WDR19: variants seen among roughly 807,000 people sequenced by gnomAD.
WDR19 encodes the protein WD repeat domain 19.
In WDR19, 121 loss-of-function variants were observed where a neutral mutation model predicts 180.0. The ratio of observed to expected loss-of-function variants is 0.67; its 90% confidence interval spans 0.58 to 0.78. The LOEUF is 0.78. Ranked by LOEUF, WDR19 falls within the 30% of genes least tolerant of loss-of-function variation. The probability of loss-of-function intolerance (pLI) is 0.00; values close to 1 mark genes in which losing one functional copy is unlikely to be tolerated. For synonymous variants in WDR19, 497 were observed against 540.7 expected, an observed-to-expected ratio of 0.92 and a Z score of 1.12; for missense variants, 1,450 against 1,640.7, an observed-to-expected ratio of 0.88 and a Z score of 2.01.
rs192335112 is a variant in WDR19, at chr4:39,277,407, A to G, written c.3840+264A>G. Among the ~76,000 whole-genome samples, 1,503 of 152,290 alleles carry G rather than the reference A, an allele frequency of 9.9e-3. 15 individuals are homozygous for G. The highest frequency in any genetic ancestry group is 9.7e-3 in the Non-Finnish European group (659 of 68,016). ...CCCGGGCTCAGTCCTCTGTAGTAAC[A>G]CCTGCCTACTGAATCAACCACAGAT... On this transcript the variant is annotated intron_variant, in intron 34 of 36. Coordinates refer to ENST00000399820, the MANE Select transcript of WDR19 (RefSeq NM_025132.4).
In WDR19 at chr4:39,223,733, A is replaced by T. The variant is rs1256195873; in HGVS notation, c.1480-1151A>T. On this transcript the variant is annotated intron_variant, in intron 14 of 36. Transcript: ENST00000399820. ...CATTGATCTGTGTATCTGTTCTTCCACCAATACTACGCAGTCTTGATTACT... is the reference window on the plus strand; with the variant it reads ...CATTGATCTGTGTATCTGTTCTTCCTCCAATACTACGCAGTCTTGATTACT... Among the ~76,000 whole-genome samples, 3 of 152,220 alleles carry T rather than the reference A, an allele frequency of 2.0e-5. No individual in the cohort carries two copies. The East Asian group carries it at 5.8e-4, about 29-fold the overall frequency.
chr4:39,205,679 T>C lies in WDR19; in HGVS notation c.833T>C (p.Leu278Pro). The C allele has an allele frequency of 6.2e-7, 1 of 1,611,426 alleles. No homozygotes were observed. Among genetic ancestry groups the C allele is most frequent in the Non-Finnish European group, 8.5e-7 (1 of 1,178,614 alleles). ...CAGGCTCGTAACCATAAAGATAATCTAACCAGCATTGCAGTATCACAGACT... is the reference window on the plus strand; with the variant it reads ...CAGGCTCGTAACCATAAAGATAATCCAACCAGCATTGCAGTATCACAGACT... Reference protein sequence around the residue: ...IFQARNHKDNLTSIAVSQTLN... With the variant: ...IFQARNHKDNPTSIAVSQTLN... The change falls in exon 9 of 37, where the codon CTA (leucine) becomes CCA (proline). Residue 278 changes from leucine (L) to proline (P), a missense_variant. Leu to Pro is a moderately conservative substitution (Grantham distance 98). Transcript: ENST00000399820.
At chr4:39,203,003 C>T (rs1391861569) in intron 6 of WDR19, among the ~76,000 whole-genome samples, 1 of 152,010 alleles carries the variant, frequency 6.6e-6, no homozygotes, top group South Asian at 2.1e-4. Flanking sequence ...GTTAATTTCT[C>T]ATCTTGGGAG....
chr4:39,262,382 C>G (rs943824599), intron 28 of WDR19, among the ~76,000 whole-genome samples: 2 of 152,048 alleles, frequency 1.3e-5, no homozygotes, highest in African/African-American at 2.4e-5. Flanking sequence ...GTAGCTGGGA[C>G]TACAGACATG....
chr4:39,276,706 C>T (rs1735933617), intron 33 of WDR19, among the ~76,000 whole-genome samples: 1 of 152,162 alleles, frequency 6.6e-6, no homozygotes, highest in South Asian at 2.1e-4. Flanking sequence ...ATACCAAGCT[C>T]ACCACTCCAG....
chr4:39,237,523 G>GC (rs1490300746), intron 20 of WDR19, among the ~76,000 whole-genome samples: 4 of 152,108 alleles, frequency 2.6e-5, no homozygotes, highest in African/African-American at 9.7e-5. Context: ...CTGTGATCAC[G>GC]CCACTACCCA....
In WDR19 at chr4:39,189,896, C is replaced by T. The variant is rs28699614; in HGVS notation, c.290+115C>T. The T allele has an allele frequency of 9.9e-3, 11,446 of 1,155,178 alleles. 829 individuals are homozygous for T. The African/African-American group carries it at 0.16, about 16-fold the overall frequency. 71.6% of individuals were successfully genotyped at this position (1,155,178 alleles called of 1,614,324 possible). On this transcript the variant is annotated intron_variant, in intron 4 of 36. Coordinates refer to ENST00000399820, the MANE Select transcript of WDR19 (RefSeq NM_025132.4). ...TAAAGATTCCTCAATGAGTTATTTT[C>T]ATAGAAAAGGATTATTTTTATTATT...
chr4:39,199,632 C>T, intron 6 of WDR19, 39 bp downstream of exon 6: 2 of 1,492,896 alleles, frequency 1.3e-6, no homozygotes, highest in South Asian at 1.2e-5. Context: ...TATATTCAAG[C>T]TTTCCCCCCA....
intron 1 of WDR19, 85 bp from the exon 2 acceptor site, chr4:39,185,640 GT>G: frequency 7.9e-7 from 1 of 1,258,270 alleles, no homozygotes; most frequent in Non-Finnish European, 1.1e-6. Context: ...TGAAAACATG[GT>G]TTTCATGACC....
intron 24 of WDR19, among the ~76,000 whole-genome samples, chr4:39,252,190 G>A: frequency 6.6e-6 from 1 of 151,480 alleles, no homozygotes; most frequent in African/African-American, 2.4e-5. Context: ...AAAAAATGAT[G>A]AGTTCATGTC....
chr4:39,225,907 A>G (rs1157741277), intron 15 of WDR19, among the ~76,000 whole-genome samples: 1 of 151,256 alleles, frequency 6.6e-6, no homozygotes. Flanking sequence ...ATTTCCACAG[A>G]TGTACCTGGA....
chr4:39,271,583 A>G (rs961326796), intron 31 of WDR19, among the ~76,000 whole-genome samples: 1 of 152,178 alleles, frequency 6.6e-6, no homozygotes, highest in African/African-American at 2.4e-5. Flanking sequence ...AAAAGACACA[A>G]TACAACTTAC....
At chr4:39,225,076 A>T (rs575847337) in intron 15 of WDR19, 43 bp downstream of exon 15, 31 of 1,447,738 alleles carry the variant, frequency 2.1e-5, no homozygotes, top group Non-Finnish European at 2.8e-5. Flanking sequence ...TTGAAATGCA[A>T]TATAGGGAAA....
chr4:39,185,664 CT>C, intron 1 of WDR19, 61 bp from the exon 2 acceptor site: 2 of 1,472,576 alleles, frequency 1.4e-6, no homozygotes, highest in Non-Finnish European at 9.3e-7. Flanking sequence ...GTTTTGATAC[CT>C]TTTCTGATCA....
intron 30 of WDR19, among the ~76,000 whole-genome samples, 194 bp downstream of exon 30, chr4:39,268,285 G>C (rs549766529): frequency 6.6e-6 from 1 of 152,272 alleles, no homozygotes; most frequent in Admixed American, 6.5e-5. Context: ...CTGTATAAAT[G>C]TAAGAGACTA....
rs1021777271 is a variant in WDR19 at position 39,219,052 on chromosome 4, T to C, written c.1479+947T>C. 2.0e-5 allele frequency: 3 copies of C among 152,322 alleles called. No individual in the cohort carries two copies. In the East Asian group the frequency reaches 5.8e-4, roughly 29 times the overall value. 9.4% of individuals were successfully genotyped at this position (152,322 alleles called of 1,614,324 possible). A position where few individuals can be genotyped will look rare whatever the true frequency, so the allele number is the denominator to read the frequency against. On this transcript the variant is annotated intron_variant, in intron 14 of 36. Coordinates refer to ENST00000399820, the MANE Select transcript of WDR19 (RefSeq NM_025132.4). Reference sequence around the variant, plus strand: ...GTCATCTCCTGTGATAACAATGCCTTCTTCTGGATACCTCCTGAAGGACCT... The same window carrying C: ...GTCATCTCCTGTGATAACAATGCCTCCTTCTGGATACCTCCTGAAGGACCT...
chr4:39,215,702 TA>T (rs369439755), intron 10 of WDR19, 138 bp from the exon 11 acceptor site: 3,191 of 730,146 alleles, frequency 4.4e-3, no homozygotes, highest in South Asian at 6.1e-3. Context: ...TTTCCTAGTC[TA>T]AAAAAAAAAC....
Position 39,194,811 on chromosome 4 carries a change from A to G in WDR19, c.406+152A>G, listed in dbSNP as rs567654274. ...CCGCAAGTCTTACATTTAGCTAAAC[A>G]TGAAGATCCCTGTTCACTGCTTACT... On this transcript the variant is annotated intron_variant, in intron 5 of 36. Coordinates refer to ENST00000399820, the MANE Select transcript of WDR19 (RefSeq NM_025132.4). 58 of 593,446 alleles carry G rather than the reference A, an allele frequency of 9.8e-5. No homozygotes were observed. In the South Asian group the frequency reaches 1.2e-3, roughly 13 times the overall value. 36.8% of individuals were successfully genotyped at this position (593,446 alleles called of 1,614,324 possible). A position where few individuals can be genotyped will look rare whatever the true frequency, so the allele number is the denominator to read the frequency against.
In WDR19 at chr4:39,232,249, A is replaced by G. The variant is rs576849289; in HGVS notation, c.2230A>G (p.Ser744Gly). The change falls in exon 19 of 37, where the codon AGC becomes GGC. Residue 744 changes from serine (S) to glycine (G), a missense_variant. Transcript: ENST00000399820. ...GGCTCAGGACTTGTACCTTGCATCC[A>G]GCTGTCCTATTGCTGCCCTGGAGGT... ...NLAQDLYLASSCPIAALEMRR... is the reference protein window; with the variant it reads ...NLAQDLYLASGCPIAALEMRR... The G allele has an allele frequency of 1.7e-5, 28 of 1,611,188 alleles. No homozygotes were observed. In the South Asian group the frequency reaches 2.9e-4, roughly 17 times the overall value.
Sources: allele counts gnomAD v4.1 joint callset (sites outside exome capture counted in the v4.1 genomes callset), GRCh38; gene constraint gnomAD v4.1.1; transcripts MANE v1.5; gene names NCBI Gene and HGNC (gene_info 2026-07-23, HGNC 2026-07-21).